TGM2: variants seen among roughly 807,000 people sequenced by gnomAD.
The protein encoded by TGM2 is transglutaminase 2, also known as protein-glutamine gamma-glutamyltransferase 2.
Under a neutral mutation model 75.6 loss-of-function variants are expected in TGM2, and 53 were observed. The ratio of observed to expected loss-of-function variants is 0.70; its 90% CI spans 0.56 to 0.88. The LOEUF is 0.88. TGM2 is among the 40% of genes least tolerant of loss of function. The pLI is 0.00. For missense variants in TGM2, 842 were observed against 928.5 expected, an observed-to-expected ratio of 0.91 and a Z score of 1.21; for synonymous variants, 374 against 381.1, an observed-to-expected ratio of 0.98 and a Z score of 0.22.
chr20:38,155,951 G>T lies in TGM2; in HGVS notation c.329C>A (p.Ala110Asp). 1.9e-6 allele frequency: 3 copies of T among 1,612,774 alleles called. No homozygotes were observed. Among genetic ancestry groups the T allele is most frequent in the Non-Finnish European group, 2.5e-6 (3 of 1,179,622 alleles). Residue 110 changes from alanine (A) to aspartate (D), a missense_variant, in exon 3 of 13, where the codon GCC becomes GAC. Transcript: ENST00000361475. Reference sequence around the variant, plus strand: ...GCTGAGGCGATACAGGCCGATGGGGGCGTTGGCCGGGGTGGTGAGCTGCAG... The same window carrying T: ...GCTGAGGCGATACAGGCCGATGGGGTCGTTGGCCGGGGTGGTGAGCTGCAG... Reference protein sequence around the residue: ...LSLQLTTPANAPIGLYRLSLE... With the variant: ...LSLQLTTPANDPIGLYRLSLE...
intron 3 of TGM2, among the ~76,000 whole-genome samples, chr20:38,153,544 A>AAAAGAAAAGAAAAAAAAAAG (rs2075143288): frequency 2.1e-5 from 3 of 141,984 alleles, no homozygotes; most frequent in African/African-American, 8.0e-5. Flanking sequence ...AAAAAAAAAA[A>AAAAGAAAAGAAAAAAAAAAG]AAGAATGAAT....
At position 38,147,895 on chromosome 20, in the gene TGM2, C is replaced by T. The variant is rs561893270; in HGVS notation, c.681+66G>A. ...CCGCGCCTAGCCTGTGTCTCCACTG[C>T]GAGGGAGAGGCCTGCGGGAGCCCCC... On this transcript the variant is annotated intron_variant, in intron 5 of 12. Transcript: ENST00000361475. 1,622 of 1,565,270 alleles carry T rather than the reference C, an allele frequency of 1.0e-3. 1 individual carries two copies. The highest frequency in any genetic ancestry group is 1.3e-3 in the Non-Finnish European group (1,526 of 1,156,120).
At position 38,146,832 on chromosome 20, in the gene TGM2, G is replaced by GC. The variant is rs772620741; in HGVS notation, c.743dup (p.Val249ArgfsTer58). ...TGCCGATCCAGGACATGGGGCTGACGCCGTCCCCGTAGTTGTTGTCCCAGC... is the reference window on the plus strand; with the variant it reads ...TGCCGATCCAGGACATGGGGCTGACGCCCGTCCCCGTAGTTGTTGTCCCAGC... On this transcript the variant is annotated frameshift_variant, in exon 6 of 13. Transcript: ENST00000361475. LOFTEE classifies it high-confidence loss of function. 4.3e-6 allele frequency: 7 copies of GC among 1,614,142 alleles called. No homozygotes were observed. In the African/African-American group the frequency reaches 6.7e-5, roughly 15 times the overall value.
chr20:38,137,780 G>A (rs1347638255), intron 10 of TGM2, among the ~76,000 whole-genome samples: 1 of 152,206 alleles, frequency 6.6e-6, no homozygotes, highest in African/African-American at 2.4e-5. Context: ...AAAGCAGTCA[G>A]GGGTCACACG....
Position 38,130,429 on chromosome 20 carries a change from G to C in TGM2, c.1914-60C>G, listed in dbSNP as rs956743265. ...CCAAGGCCTGGCTCCCGCATGCTGG[G>C]GTCCAGCCAGGAAGTCACGTGACCT... On this transcript the variant is annotated intron_variant, in intron 12 of 12. Coordinates refer to ENST00000361475, the MANE Select transcript of TGM2 (RefSeq NM_004613.4). 3 of 1,532,612 alleles carry C rather than the reference G, an allele frequency of 2.0e-6. No individual in the cohort carries two copies. The African/African-American group carries it at 4.1e-5, about 21-fold the overall frequency. The allele number at this position is 1,532,612 out of a possible 1,614,324, so 94.9% of individuals were successfully genotyped here. A position where few individuals can be genotyped will look rare whatever the true frequency, so the allele number is the denominator to read the frequency against.
Position 38,147,947 on chromosome 20 carries a change from T to C in TGM2, c.681+14A>G, listed in dbSNP as rs1215211011. On this transcript the variant is annotated intron_variant, in intron 5 of 12. Coordinates refer to ENST00000361475, the MANE Select transcript of TGM2 (RefSeq NM_004613.4). ...GTAGGCCCCGCCCCTGGATGGGCCA[T>C]GCCACTCACTCACCATGCCACTCAC... 6.2e-7 allele frequency: 1 copy of C among 1,606,824 alleles called. No homozygotes were observed. The highest frequency in any genetic ancestry group is 1.3e-5 in the African/African-American group (1 of 74,950).
chr20:38,160,802 T>G (rs1013063450), intron 2 of TGM2, among the ~76,000 whole-genome samples: 2 of 152,188 alleles, frequency 1.3e-5, no homozygotes, highest in African/African-American at 4.8e-5. Flanking sequence ...ATTAGAAAGT[T>G]GTTTTGATAT....
intron 12 of TGM2, 126 bp downstream of exon 12, chr20:38,130,967 C>T: frequency 6.8e-7 from 1 of 1,467,358 alleles, no homozygotes; most frequent in Non-Finnish European, 9.3e-7. Context: ...TGGGAGTGGG[C>T]ACAGCTGTGT....
intron 3 of TGM2, among the ~76,000 whole-genome samples, chr20:38,154,965 G>A (rs1209663251): frequency 6.6e-6 from 1 of 152,200 alleles, no homozygotes; most frequent in Non-Finnish European, 1.5e-5. Context: ...AATTAGCCAG[G>A]CGTGGTGGCA....
chr20:38,168,275 C>T (rs906142422), upstream of TGM2, among the ~76,000 whole-genome samples: 1 of 152,242 alleles, frequency 6.6e-6, no homozygotes, highest in East Asian at 1.9e-4. Context: ...GGCCCAGAGA[C>T]CTGGATTCCA....
intron 8 of TGM2, 30 bp downstream of exon 8, chr20:38,141,252 T>G: frequency 6.5e-7 from 1 of 1,526,970 alleles, no homozygotes; most frequent in Non-Finnish European, 8.9e-7. Flanking sequence ...CTTCCCCATC[T>G]GTTTGACGCG....
upstream of TGM2, among the ~76,000 whole-genome samples, chr20:38,166,077 T>C (rs1181796296): frequency 1.3e-5 from 2 of 151,978 alleles, no homozygotes; most frequent in African/African-American, 4.8e-5. Flanking sequence ...TACTCAGAGG[T>C]AGACACACAT....
Position 38,161,439 on chromosome 20 carries a change from G to A in TGM2, c.171C>T (p.Leu57=). The A allele has an allele frequency of 1.2e-6, 2 of 1,614,192 alleles. No homozygotes were observed. Among genetic ancestry groups the A allele is most frequent in the African/African-American group, 1.3e-5 (1 of 75,060 alleles). ...ACTCACCGGTCACGACACTGAAGGT[G>A]AGACTGTCTACACTGGCCTCGTAGT... ...GRNYEASVDS[L]TFSVVTGPAP... is the part of the protein sequence containing the mutation. The change falls in exon 2 of 13, where the codon CTC becomes CTT. Residue 57 remains leucine (L), a synonymous_variant. Transcript: ENST00000361475.
At position 38,165,234 on chromosome 20, in the gene TGM2, C is replaced by A. The variant is rs1362073579; in HGVS notation, c.-36G>T. ...GGGCGGTGGCTCCTTCCACTGGCGG[C>A]GAGACCCTCCAAGTGCGACCACTGG... On this transcript the variant is annotated 5_prime_UTR_variant, in exon 1 of 13. Coordinates refer to ENST00000361475, the MANE Select transcript of TGM2 (RefSeq NM_004613.4). 1 of 1,612,046 alleles carries A rather than the reference C, an allele frequency of 6.2e-7. No homozygotes were observed. The highest frequency in any genetic ancestry group is 1.3e-5 in the African/African-American group (1 of 74,890).
chr20:38,161,711 C>A, intron 1 of TGM2, 112 bp from the exon 2 acceptor site: 2 of 1,313,336 alleles, frequency 1.5e-6, no homozygotes, highest in Non-Finnish European at 2.2e-6. Context: ...CCCCACAAAG[C>A]ACAGCCATTG....
At chr20:38,151,556 T>C (rs188294088) in intron 3 of TGM2, among the ~76,000 whole-genome samples, 31 of 152,176 alleles carry the variant, frequency 2.0e-4, no homozygotes, top group Middle Eastern at 6.8e-3. Context: ...AAAATGCAGA[T>C]CTGAAAGGTG....
At chr20:38,144,919 A>G (rs956229200) in intron 6 of TGM2, among the ~76,000 whole-genome samples, 1 of 152,200 alleles carries the variant, frequency 6.6e-6, no homozygotes, top group African/African-American at 2.4e-5. Flanking sequence ...TCTGCTGCTC[A>G]ATCTTCAGGC....
upstream of TGM2, chr20:38,166,467 T>C (rs2122991188): frequency 1.3e-5 from 2 of 152,394 alleles, no homozygotes; most frequent in South Asian, 4.1e-4. Context: ...CTCATCCTGG[T>C]ATCTCTGGTC....
chr20:38,151,107 G>A, intron 3 of TGM2, 50 bp from the exon 4 acceptor site: 1 of 1,421,536 alleles, frequency 7.0e-7, no homozygotes, highest in Non-Finnish European at 1.0e-6. Flanking sequence ...GGAGGCCCAG[G>A]GTCCCTGCAA....
Sources: gnomAD v4.1 joint callset for allele counts (sites outside exome capture counted in the v4.1 genomes callset) on GRCh38, gnomAD v4.1.1 for gene constraint, MANE v1.5 for transcripts, NCBI Gene and HGNC (gene_info 2026-07-23, HGNC 2026-07-21) for gene names.